CC2D2A: variants seen among roughly 807,000 people sequenced by gnomAD.
CC2D2A encodes the protein coiled-coil and C2 domain containing 2A.
Under a neutral mutation model 212.9 loss-of-function variants are expected in CC2D2A, and 155 were observed. The ratio of observed to expected loss-of-function variants is 0.73; its 90% CI spans 0.64 to 0.83. The LOEUF (loss-of-function observed/expected upper bound fraction) is 0.83, where lower values mean the gene tolerates loss of function less well. CC2D2A is among the 40% of genes least tolerant of loss of function. CC2D2A has a pLI of 0.00. For synonymous variants in CC2D2A, 667 were observed against 686.5 expected (o/e 0.97, Z 0.44); for missense variants, 1,856 against 1,956.2 (o/e 0.95, Z 0.97).
At position 15,479,421 on chromosome 4, in the gene CC2D2A, G is replaced by A. The variant is rs574303592; in HGVS notation, c.123+615G>A. The A allele has an allele frequency of 3.6e-4, 369 of 1,039,068 alleles. No individual in the cohort carries two copies. The African/African-American group carries it at 4.8e-3, about 13-fold the overall frequency. The allele number at this position is 1,039,068 out of a possible 1,614,324, so 64.4% of individuals were successfully genotyped here. ...TCTGCTTGGAACAATCAAGATGCCA[G>A]CAGGGGAGGGAGGGGAGAGAAGCGC... On this transcript the variant is annotated intron_variant, in intron 3 of 36. Transcript: ENST00000424120.
chr4:15,601,272 AG>A lies in CC2D2A; in HGVS notation c.4711del (p.Val1571Ter). The A allele has an allele frequency of 6.2e-7, 1 of 1,613,102 alleles. No homozygotes were observed. The highest frequency in any genetic ancestry group is 8.5e-7 in the Non-Finnish European group (1 of 1,179,408). On this transcript the variant is annotated frameshift_variant, in exon 37 of 37. Coordinates refer to ENST00000424120, the MANE Select transcript of CC2D2A (RefSeq NM_001378615.1). LOFTEE classifies it high-confidence loss of function. ...TTCCTCTTCACATGCCTTATTCTGA[AG>A]TGAAGCCTTTAATTGACGCTGTGTA... is the stretch of plus-strand genomic sequence containing the variant. ...GFPLHMPYSE[V>X]KPLIDAVYST...
At chr4:15,597,583 T>C in intron 35 of CC2D2A, 118 bp downstream of exon 35, 4 of 783,226 alleles carry the variant, frequency 5.1e-6, no homozygotes, top group South Asian at 3.1e-5. Flanking sequence ...CTTTAATTCA[T>C]GTTTATAGAT....
chr4:15,522,056 C>T (rs1259173305), intron 11 of CC2D2A, among the ~76,000 whole-genome samples: 2 of 152,082 alleles, frequency 1.3e-5, no homozygotes, highest in African/African-American at 2.4e-5. Flanking sequence ...AAAAAGGTAA[C>T]CAGACATGGT....
Position 15,586,228 on chromosome 4 carries a change from C to A in CC2D2A, c.4047C>A (p.Asp1349Glu). The part of the protein sequence containing the change: ...PDTVSFGGIC[D>E]LWSTSDQFLD... Reference sequence around the variant, plus strand: ...CTGTCTCATTTGGTGGTATCTGTGACCTCTGGAGCACATCTGATGTAAGTA... The same window carrying A: ...CTGTCTCATTTGGTGGTATCTGTGAACTCTGGAGCACATCTGATGTAAGTA... Residue 1349 changes from aspartate (D) to glutamate (E), a missense_variant, in exon 31 of 37, where the codon GAC (aspartate) becomes GAA (glutamate). Asp to Glu is a conservative substitution (Grantham distance 45, BLOSUM62 2). Around this residue, in one of 5 missense-constraint regions of CC2D2A, gnomAD observed 36 missense variants for 35.5 expected, o/e 1.02. Coordinates refer to ENST00000424120, the MANE Select transcript of CC2D2A (RefSeq NM_001378615.1). The A allele has an allele frequency of 6.2e-7, 1 of 1,605,316 alleles. No individual in the cohort carries two copies. The highest frequency in any genetic ancestry group is 8.5e-7 in the Non-Finnish European group (1 of 1,174,570).
chr4:15,538,249 G>A (rs779323342), intron 16 of CC2D2A, 112 bp downstream of exon 16: 45 of 1,114,180 alleles, frequency 4.0e-5, no homozygotes, highest in African/African-American at 1.1e-4. Context: ...TGACCTACAC[G>A]AGCATCAGGA....
chr4:15,590,947 C>T (rs1721078890), intron 33 of CC2D2A, among the ~76,000 whole-genome samples: 1 of 152,006 alleles, frequency 6.6e-6, no homozygotes, highest in African/African-American at 2.4e-5. Context: ...AGGCTCATCT[C>T]CAACTCCTGG....
intron 11 of CC2D2A, among the ~76,000 whole-genome samples, chr4:15,524,948 A>G (rs2109021935): frequency 6.6e-6 from 1 of 152,364 alleles, no homozygotes; most frequent in East Asian, 1.9e-4. Flanking sequence ...ATAGTCATCA[A>G]TAAATAAGAA....
At chr4:15,483,066 C>T (rs1222308240) in intron 4 of CC2D2A, among the ~76,000 whole-genome samples, 1 of 152,210 alleles carries the variant, frequency 6.6e-6, no homozygotes, top group African/African-American at 2.4e-5. Context: ...AAAACATCCC[C>T]AGCAGTGAGG....
chr4:15,597,458 C>T lies in CC2D2A; in HGVS notation c.4489C>T (p.Gln1497Ter), dbSNP rs1553845302. The T allele has an allele frequency of 1.3e-6, 2 of 1,553,054 alleles. No individual in the cohort carries two copies. The highest frequency in any genetic ancestry group is 1.7e-6 in the Non-Finnish European group (2 of 1,147,242). ...AGACAAAGCAGCTGCAGCTGAGCTA[C>T]AAGACAGGTAACATAACATCCATAA... ...RSDKAAAAEL[Q>*]DRIEKILKEK... The change falls in exon 35 of 37, where the codon CAA becomes TAA. Residue 1497 changes from glutamine to a stop codon, truncating the protein, a stop_gained. Transcript: ENST00000424120. LOFTEE classifies it high-confidence loss of function.
At chr4:15,474,910 A>C (rs1714076408) in intron 1 of CC2D2A, among the ~76,000 whole-genome samples, 2 of 152,176 alleles carry the variant, frequency 1.3e-5, no homozygotes, top group Non-Finnish European at 2.9e-5. Context: ...AAAGAGAGGG[A>C]ATGTTTTGAG....
intron 30 of CC2D2A, among the ~76,000 whole-genome samples, chr4:15,583,819 C>T (rs576335496): frequency 1.5e-4 from 23 of 151,886 alleles, no homozygotes; most frequent in Non-Finnish European, 2.4e-4. Context: ...GGCGTGGTGG[C>T]GGGCACCTGT....
At chr4:15,530,468 C>T (rs760734986) in intron 13 of CC2D2A, among the ~76,000 whole-genome samples, 3 of 151,968 alleles carry the variant, frequency 2.0e-5, no homozygotes, top group African/African-American at 4.8e-5. Flanking sequence ...TTTTGGCATA[C>T]ATTAAGAAAA....
At position 15,560,515 on chromosome 4, in the gene CC2D2A, T is replaced by A. The variant is rs1402219100; in HGVS notation, c.2923-16T>A. On this transcript the variant is annotated splice_polypyrimidine_tract_variant and intron_variant, in intron 22 of 36. Coordinates refer to ENST00000424120, the MANE Select transcript of CC2D2A (RefSeq NM_001378615.1). ...TTAAATAATAACATTTTAAATAAGC[T>A]GATTTCTTTCCCCAGGTTAGAGAAT... 7.7e-7 allele frequency: 1 copy of A among 1,296,542 alleles called. No homozygotes were observed. Among genetic ancestry groups the A allele is most frequent in the Non-Finnish European group, 1.1e-6 (1 of 910,058 alleles). The allele number at this position is 1,296,542 out of a possible 1,614,324, so 80.3% of individuals were successfully genotyped here. A position where few individuals can be genotyped will look rare whatever the true frequency, so the allele number is the denominator to read the frequency against.
At chr4:15,474,016 C>T (rs2108963052) in intron 1 of CC2D2A, among the ~76,000 whole-genome samples, 1 of 152,258 alleles carries the variant, frequency 6.6e-6, no homozygotes, top group Non-Finnish European at 1.5e-5. Flanking sequence ...GGGGAGATGT[C>T]TGGACCCAGG....
intron 24 of CC2D2A, among the ~76,000 whole-genome samples, chr4:15,565,042 A>T (rs918058087): frequency 6.6e-6 from 1 of 152,300 alleles, no homozygotes; most frequent in Admixed American, 6.5e-5. Flanking sequence ...ATTAGAGAGC[A>T]TCTACAATCA....
intron 2 of CC2D2A, among the ~76,000 whole-genome samples, chr4:15,476,261 C>G (rs778719313): frequency 6.6e-6 from 1 of 152,212 alleles, no homozygotes; most frequent in African/African-American, 2.4e-5. Context: ...TTAGTTACAG[C>G]TCAGTGTTGC....
intron 8 of CC2D2A, chr4:15,511,648 T>C (rs926498190): frequency 1.1e-4 from 35 of 333,274 alleles, no homozygotes; most frequent in Non-Finnish European, 1.6e-4. Context: ...CTGTTTATTT[T>C]TCTTTTGTGG....
chr4:15,506,279 A>C (rs1716250827), intron 6 of CC2D2A, among the ~76,000 whole-genome samples: 1 of 152,238 alleles, frequency 6.6e-6, no homozygotes, highest in African/African-American at 2.4e-5. Flanking sequence ...TTTTGACAAA[A>C]ATTACATTAT....
intron 4 of CC2D2A, among the ~76,000 whole-genome samples, chr4:15,486,892 A>T (rs1167146288): frequency 6.6e-6 from 1 of 151,646 alleles, no homozygotes; most frequent in African/African-American, 2.4e-5. Context: ...TTTTTAATTC[A>T]TCATTGACCC....
Sources: gnomAD v4.1 joint callset for allele counts (sites outside exome capture counted in the v4.1 genomes callset) on GRCh38, gnomAD v4.1.1 for gene constraint, gnomAD v4.1.1 regional missense constraint, MANE v1.5 for transcripts, NCBI Gene and HGNC (gene_info 2026-07-23, HGNC 2026-07-21) for gene names.